Variants in TSEN54 observed in about 807,000 individuals in gnomAD.
TSEN54 encodes the protein tRNA-splicing endonuclease subunit Sen54.
TSEN54 carries 55 observed loss-of-function variants against 61.9 expected under a neutral mutation model. That is an observed-to-expected ratio of 0.89 (90% CI 0.72 to 1.11). The LOEUF (loss-of-function observed/expected upper bound fraction) is 1.11. Among genes scored for constraint, TSEN54 ranks in the 50% most tolerant of loss-of-function variants. The pLI is 0.00. For missense variants in TSEN54, 760 were observed against 687.7 expected, an observed-to-expected ratio of 1.11 and a Z score of -1.18; for synonymous variants, 304 against 288.7, an observed-to-expected ratio of 1.05 and a Z score of -0.54.
At position 75,521,929 on chromosome 17, in the gene TSEN54, G is replaced by A; in HGVS notation, c.848G>A (p.Arg283Lys). Reference protein sequence around the residue: ...EGVGCSWESGRAENGVTGAGK... With the variant: ...EGVGCSWESGKAENGVTGAGK... ...GTGGGGTGCAGCTGGGAGAGTGGCA[G>A]AGCCGAGAACGGAGTCACGGGAGCC... The change falls in exon 8 of 11, where the codon AGA becomes AAA. Residue 283 changes from arginine (R) to lysine (K), a missense_variant. By Grantham distance (26) the Arg-to-Lys change is conservative. This residue lies in a region of TSEN54 where 667 missense variants were observed against 577.8 expected (regional missense o/e 1.15). Transcript: ENST00000333213. 3 of 1,610,602 alleles carry A rather than the reference G, an allele frequency of 1.9e-6. No homozygotes were observed. Among genetic ancestry groups the A allele is most frequent in the Non-Finnish European group, 2.5e-6 (3 of 1,179,082 alleles).
intron 6 of TSEN54, 142 bp downstream of exon 6, chr17:75,519,189 G>A: frequency 2.1e-6 from 2 of 936,686 alleles, no homozygotes; most frequent in South Asian, 2.6e-5. Flanking sequence ...GCGCCTGCTG[G>A]AAGCGTTCTG....
chr17:75,522,662 AG>A (rs892517213), intron 8 of TSEN54: 1 of 705,544 alleles, frequency 1.4e-6, no homozygotes, highest in African/African-American at 1.8e-5. Flanking sequence ...TTCTTGGCCA[AG>A]TGAAAGAAAG....
In TSEN54 at chr17:75,516,916, AG is replaced by A. The variant is rs1456857242; in HGVS notation, c.221+10del. 15 of 1,542,192 alleles carry A rather than the reference AG, an allele frequency of 9.7e-6. No individual in the cohort carries two copies. The highest frequency in any genetic ancestry group is 1.0e-5 in the Non-Finnish European group (12 of 1,145,790). ...GAGCAGCGCGTGGAGCGCCTGTGAG[AG>A]GGGCGGGCCCAGGGGTAAGGGAAGC... On this transcript the variant is annotated splice_region_variant and intron_variant, in intron 2 of 10. Coordinates refer to ENST00000333213, the MANE Select transcript of TSEN54 (RefSeq NM_207346.3).
rs1429799650 is a variant in TSEN54, at chr17:75,517,263, G to A, written c.369+19G>A. 14 of 1,579,386 alleles carry A rather than the reference G, an allele frequency of 8.9e-6. No homozygotes were observed. In the East Asian group the frequency reaches 3.2e-4, roughly 37 times the overall value. ...GGAGTGTGTAAGTGGGGCCCGGGAG[G>A]TGGGGAAGGAGTTGGGACCAAAGAA... On this transcript the variant is annotated intron_variant, in intron 4 of 10. Coordinates refer to ENST00000333213, the MANE Select transcript of TSEN54 (RefSeq NM_207346.3).
Position 75,524,291 on chromosome 17 carries a change from G to C in TSEN54, c.1460G>C (p.Ser487Thr), listed in dbSNP as rs1340068220. ...GATGAGCCTGTCCCAGACCTCTGCAGCCTCAAGCGGTTGTCTTACCAGAGT... is the reference window on the plus strand; with the variant it reads ...GATGAGCCTGTCCCAGACCTCTGCACCCTCAAGCGGTTGTCTTACCAGAGT... ...GFDEPVPDLC[S>T]LKRLSYQSGD... Residue 487 changes from serine to threonine, a missense_variant, in exon 11 of 11, where the codon AGC becomes ACC. By Grantham distance (58) the Ser-to-Thr change is moderately conservative. Coordinates refer to ENST00000333213, the MANE Select transcript of TSEN54 (RefSeq NM_207346.3). The C allele has an allele frequency of 6.2e-7, 1 of 1,614,208 alleles. No homozygotes were observed. Among genetic ancestry groups the C allele is most frequent in the South Asian group, 1.1e-5 (1 of 91,086 alleles).
In TSEN54 at chr17:75,517,557, G is replaced by A. The variant is rs770694652; in HGVS notation, c.370G>A (p.Gly124Ser). Residue 124 changes from glycine to serine, a missense_variant and splice_region_variant, in exon 5 of 11, where the codon GGC becomes AGC. Physicochemically the swap from Gly to Ser is moderately conservative, Grantham distance 56. This residue lies in a region of TSEN54 where 667 missense variants were observed against 577.8 expected (regional missense o/e 1.15). Transcript: ENST00000333213. ...PEEALYLLECGSIHLFHQDLP... is the reference protein window; with the variant it reads ...PEEALYLLECSSIHLFHQDLP... ...GCTGAGCTGTTGGCCCCACTTCCAG[G>A]GCTCCATCCACCTCTTCCACCAAGA... The A allele has an allele frequency of 1.2e-6, 2 of 1,613,556 alleles. No individual in the cohort carries two copies. The highest frequency in any genetic ancestry group is 2.2e-5 in the East Asian group (1 of 44,872).
At chr17:75,523,201 G>A (rs2147015319) in intron 8 of TSEN54, 74 bp from the exon 9 acceptor site, 1 of 1,605,604 alleles carries the variant, frequency 6.2e-7, no homozygotes, top group Admixed American at 1.7e-5. Flanking sequence ...GCTAAATCTG[G>A]CCGTCCTAAA....
intron 5 of TSEN54, 93 bp from the exon 6 acceptor site, chr17:75,518,900 CAG>C: frequency 6.2e-7 from 1 of 1,600,874 alleles, no homozygotes; most frequent in Non-Finnish European, 8.5e-7. Flanking sequence ...ACAGGAGGGG[CAG>C]AGAGGGCTGT....
At chr17:75,524,115 C>T in intron 10 of TSEN54, 147 bp from the exon 11 acceptor site, 2 of 1,198,026 alleles carry the variant, frequency 1.7e-6, no homozygotes, top group Non-Finnish European at 2.4e-6. Context: ...CTGGGGCGCT[C>T]TTCATCAGAG....
rs373908614 is a variant in TSEN54 at position 75,517,177 on chromosome 17, C to T, written c.302C>T (p.Thr101Ile). 47 of 1,594,810 alleles carry T rather than the reference C, an allele frequency of 2.9e-5. No individual in the cohort carries two copies. The highest frequency in any genetic ancestry group is 4.0e-5 in the Non-Finnish European group (47 of 1,170,108). Residue 101 changes from threonine (T) to isoleucine (I), a missense_variant, in exon 4 of 11, where the codon ACC (threonine) becomes ATC (isoleucine). Transcript: ENST00000333213. ...LKSPAGKFWQ[T>I]MGFSEQGRQR... ...CCCACACAGGGCAAATTCTGGCAGACCATGGGCTTCTCAGAGCAGGGCCGG... is the reference window on the plus strand; with the variant it reads ...CCCACACAGGGCAAATTCTGGCAGATCATGGGCTTCTCAGAGCAGGGCCGG...
rs1206068255 is a variant in TSEN54 at position 75,521,431 on chromosome 17, A to G, written c.544A>G (p.Arg182Gly). 1.2e-6 allele frequency: 2 copies of G among 1,614,076 alleles called. No individual in the cohort carries two copies. The highest frequency in any genetic ancestry group is 1.7e-6 in the Non-Finnish European group (2 of 1,180,006). The part of the protein sequence containing the change: ...QPSSVLSPYE[R>G]QLNLDASVQH... ...CAGCTCTGTCCTGTCCCCGTATGAG[A>G]GGCAGCTTAACCTGGATGCCAGCGT... Residue 182 changes from arginine to glycine, a missense_variant, in exon 7 of 11, where the codon AGG becomes GGG. Arg to Gly is a moderately radical substitution (Grantham distance 125). This residue lies in a region of TSEN54 where 667 missense variants were observed against 577.8 expected (regional missense o/e 1.15). Transcript: ENST00000333213.
rs762725861 is a variant in TSEN54 at position 75,521,901 on chromosome 17, G to C, written c.820G>C (p.Gly274Arg). The change falls in exon 8 of 11, where the codon GGG (glycine) becomes CGG (arginine). Residue 274 changes from glycine to arginine, a missense_variant. Physicochemically the swap from Gly to Arg is moderately radical, Grantham distance 125 (BLOSUM62 -2). Coordinates refer to ENST00000333213, the MANE Select transcript of TSEN54 (RefSeq NM_207346.3). ...CCCCAGCCCTGGCCCGGCCAGGGAG[G>C]GGGTGGGGTGCAGCTGGGAGAGTGG... is the stretch of plus-strand genomic sequence containing the variant. ...LGPSPGPARE[G>R]VGCSWESGRA... 1 of 1,610,066 alleles carries C rather than the reference G, an allele frequency of 6.2e-7. No individual in the cohort carries two copies. Among genetic ancestry groups the C allele is most frequent in the Non-Finnish European group, 8.5e-7 (1 of 1,178,640 alleles).
In TSEN54 at chr17:75,523,737, A is replaced by C. The variant is rs1386151870; in HGVS notation, c.1388A>C (p.Lys463Thr). ...GCCGACGCTGTGGCCACATTCCGAA[A>C]GAATAACCCTGGCAAACCCTATGCC... is the stretch of plus-strand genomic sequence containing the variant. ...YQADAVATFR[K>T]NNPGKPYARM... The change falls in exon 10 of 11, where the codon AAG (lysine) becomes ACG (threonine). Residue 463 changes from lysine to threonine, a missense_variant. Physicochemically the swap from Lys to Thr is moderately conservative, Grantham distance 78. Transcript: ENST00000333213. The C allele has an allele frequency of 1.2e-6, 2 of 1,614,034 alleles. No homozygotes were observed. Among genetic ancestry groups the C allele is most frequent in the Non-Finnish European group, 1.7e-6 (2 of 1,180,022 alleles).
Position 75,517,106 on chromosome 17 carries a change from T to A in TSEN54, c.285+34T>A. The stretch of plus-strand genomic sequence containing the variant: ...CGGGCTCGGGGACCGGGGACCGCCC[T>A]CCCTGCCCTCCCTGCCCTCCCTCCC... On this transcript the variant is annotated intron_variant, in intron 3 of 10. Transcript: ENST00000333213. The A allele has an allele frequency of 7.6e-6, 9 of 1,182,956 alleles. No homozygotes were observed. The African/African-American group carries it at 1.1e-4, about 15-fold the overall frequency. The allele number at this position is 1,182,956 out of a possible 1,614,324, so 73.3% of individuals were successfully genotyped here.
chr17:75,523,454 C>A (rs776066508), intron 9 of TSEN54, 119 bp downstream of exon 9: 1 of 1,602,860 alleles, frequency 6.2e-7, no homozygotes, highest in Non-Finnish European at 8.5e-7. Flanking sequence ...CCTACCCCTA[C>A]GCCTAGCTCT....
rs1281448557 is a variant in TSEN54, at chr17:75,516,856, G to C, written c.167G>C (p.Arg56Pro). ...DGSAAQAERL[R>P]RCREELWQLL... ...TCGGCAGCTCAGGCCGAGCGGCTGC[G>C]CCGGTGCCGGGAAGAGCTCTGGCAG... The change falls in exon 2 of 11, where the codon CGC becomes CCC. Residue 56 changes from arginine to proline, a missense_variant. Coordinates refer to ENST00000333213, the MANE Select transcript of TSEN54 (RefSeq NM_207346.3). 3.2e-6 allele frequency: 5 copies of C among 1,573,206 alleles called. No homozygotes were observed. The South Asian group carries it at 5.7e-5, about 18-fold the overall frequency.
rs769800912 is a variant in TSEN54 at position 75,524,544 on chromosome 17, G to C, written c.*132G>C. 2.5e-5 allele frequency: 29 copies of C among 1,148,540 alleles called. No individual in the cohort carries two copies. In the South Asian group the frequency reaches 3.0e-4, roughly 12 times the overall value. The allele number at this position is 1,148,540 out of a possible 1,614,324, so 71.1% of individuals were successfully genotyped here. A position where few individuals can be genotyped will look rare whatever the true frequency, so the allele number is the denominator to read the frequency against. On this transcript the variant is annotated 3_prime_UTR_variant, in exon 11 of 11. Transcript: ENST00000333213. ...AGAGGCCAGTCTGGGCCTTGGCCCTGGGTGTCTGATACTCACAGAGTGAAA... is the reference window on the plus strand; with the variant it reads ...AGAGGCCAGTCTGGGCCTTGGCCCTCGGTGTCTGATACTCACAGAGTGAAA...
chr17:75,516,567 C>T lies in TSEN54; in HGVS notation c.7C>T (p.Pro3Ser), dbSNP rs1425806314. Residue 3 changes from proline to serine, a missense_variant, in exon 1 of 11, where the codon CCC becomes TCC. Coordinates refer to ENST00000333213, the MANE Select transcript of TSEN54 (RefSeq NM_207346.3). ...AGCGGCAGGCGGCGGCGGGATGGAG[C>T]CCGAGCCCGAGCCCGCGGCCGTGGA... ME[P>S]EPEPAAVEVP... is the part of the protein sequence containing the mutation. 12 of 1,146,406 alleles carry T rather than the reference C, an allele frequency of 1.0e-5. No individual in the cohort carries two copies. Among genetic ancestry groups the T allele is most frequent in the East Asian group, 4.4e-5 (1 of 22,568 alleles). 71.0% of individuals were successfully genotyped at this position (1,146,406 alleles called of 1,614,324 possible). A position where few individuals can be genotyped will look rare whatever the true frequency, so the allele number is the denominator to read the frequency against.
intron 5 of TSEN54, 47 bp downstream of exon 5, chr17:75,517,702 A>C: frequency 1.3e-6 from 2 of 1,505,316 alleles, no homozygotes; most frequent in Non-Finnish European, 1.8e-6. Flanking sequence ...CCACTGAATC[A>C]ATGAGTATTG....
Sources: gnomAD v4.1 joint callset for allele counts on GRCh38, gnomAD v4.1.1 for gene constraint, gnomAD v4.1.1 regional missense constraint, MANE v1.5 for transcripts, NCBI Gene and HGNC (gene_info 2026-07-23, HGNC 2026-07-21) for gene names.